The following ANKS1B variants were observed in gnomAD, a reference collection of about 807,000 sequenced individuals.
ANKS1B encodes ankyrin repeat and sterile alpha motif domain containing 1B.
ANKS1B carries 36 observed loss-of-function variants against 148.3 expected under a neutral mutation model. The ratio of observed to expected loss-of-function variants is 0.24; its 90% confidence interval spans 0.19 to 0.32. The LOEUF (loss-of-function observed/expected upper bound fraction) is 0.32, where lower values mean the gene tolerates loss of function less well. ANKS1B is among the 10% of genes least tolerant of loss of function. The pLI, the probability that ANKS1B is intolerant of heterozygous loss-of-function variation, is 1.00. For missense variants in ANKS1B, 1,157 were observed against 1,542.6 expected (o/e 0.75, Z 4.19); for synonymous variants, 542 against 560.8 (o/e 0.97, Z 0.47).
chr12:99,394,537 C>G (rs1376597539), intron 12 of ANKS1B, among the ~76,000 whole-genome samples: 1 of 152,084 alleles, frequency 6.6e-6, no homozygotes, highest in East Asian at 1.9e-4. Context: ...CCCCCACCCC[C>G]AATATTGTTA....
chr12:99,635,723 TTAAAAA>T (rs1351327381), intron 9 of ANKS1B, among the ~76,000 whole-genome samples: 43 of 152,278 alleles, frequency 2.8e-4, no homozygotes, highest in African/African-American at 9.9e-4. Context: ...ACTGTACACT[TTAAAAA>T]TAGTTAATAT....
intron 9 of ANKS1B, among the ~76,000 whole-genome samples, chr12:99,583,688 A>G (rs1226052487): frequency 2.6e-5 from 4 of 152,188 alleles, no homozygotes; most frequent in Non-Finnish European, 5.9e-5. Flanking sequence ...CAGGATATGC[A>G]GCATTTTATA....
At chr12:98,817,021 TTC>T (rs1439032425) in intron 19 of ANKS1B, among the ~76,000 whole-genome samples, 2 of 152,198 alleles carry the variant, frequency 1.3e-5, no homozygotes, top group African/African-American at 2.4e-5. Context: ...AAAAGACTTT[TTC>T]TCTGTTTCTC....
chr12:98,921,979 T>C (rs894419836), intron 17 of ANKS1B, among the ~76,000 whole-genome samples: 3 of 152,164 alleles, frequency 2.0e-5, no homozygotes, highest in South Asian at 2.1e-4. Flanking sequence ...CTCAAACAAA[T>C]GTGAGGGCGA....
At chr12:99,222,025 C>T (rs928454809) in intron 14 of ANKS1B, among the ~76,000 whole-genome samples, 2 of 151,818 alleles carry the variant, frequency 1.3e-5, no homozygotes, top group African/African-American at 2.4e-5. Context: ...CCAGAAAGTG[C>T]TCTATGTTCT....
intron 17 of ANKS1B, among the ~76,000 whole-genome samples, chr12:99,003,506 T>C (rs1461869296): frequency 6.6e-6 from 1 of 152,196 alleles, no homozygotes; most frequent in Non-Finnish European, 1.5e-5. Flanking sequence ...GTTCTCAAGA[T>C]TGGCTGCTGG....
intron 16 of ANKS1B, among the ~76,000 whole-genome samples, chr12:99,076,393 A>C (rs2047894767): frequency 6.6e-6 from 1 of 152,192 alleles, no homozygotes; most frequent in East Asian, 1.9e-4. Flanking sequence ...CTAATGAAAC[A>C]ATATTAGAAA....
At chr12:99,750,785 C>T (rs2153594532) in intron 8 of ANKS1B, among the ~76,000 whole-genome samples, 1 of 152,152 alleles carries the variant, frequency 6.6e-6, no homozygotes, top group African/African-American at 2.4e-5. Context: ...AGGGCAGAGT[C>T]AATAGATGGG....
In ANKS1B at chr12:99,648,218, G is replaced by A. The variant is rs145530655; in HGVS notation, c.1272+6849C>T. The A allele has an allele frequency of 1.7e-4, 276 of 1,614,176 alleles. 1 individual carries two copies. The highest frequency in any genetic ancestry group is 3.6e-4 in the South Asian group (33 of 91,084). On this transcript the variant is annotated intron_variant, in intron 9 of 26. Coordinates refer to ENST00000683438, the MANE Select transcript of ANKS1B (RefSeq NM_001352186.2). ...CTACCGTATTACACGGCCCAAAGCA[G>A]CCCCGCAATGGGCATGTTTAACACC...
At chr12:99,861,416 G>T (rs184197281) in intron 1 of ANKS1B, among the ~76,000 whole-genome samples, 131 of 152,200 alleles carry the variant, frequency 8.6e-4, no homozygotes, top group African/African-American at 2.9e-3. Context: ...CTCTATCACT[G>T]ACTCTCAAAT....
At chr12:99,510,268 A>G (rs2096751462) in intron 9 of ANKS1B, among the ~76,000 whole-genome samples, 1 of 152,028 alleles carries the variant, frequency 6.6e-6, no homozygotes, top group African/African-American at 2.4e-5. Flanking sequence ...ATTATTTAAG[A>G]AATACATTAT....
At chr12:98,757,364 T>G (rs1186371064) in intron 25 of ANKS1B, among the ~76,000 whole-genome samples, 1 of 152,222 alleles carries the variant, frequency 6.6e-6, no homozygotes, top group Non-Finnish European at 1.5e-5. Context: ...ACTTACAGAA[T>G]TGTGAACATA....
At chr12:99,813,146 T>A (rs992597113) in intron 2 of ANKS1B, among the ~76,000 whole-genome samples, 36 of 151,742 alleles carry the variant, frequency 2.4e-4, no homozygotes, top group African/African-American at 8.2e-4. Flanking sequence ...ATTCAATATA[T>A]CCTACCTCAA....
At chr12:98,836,157 C>T (rs2099361556) in intron 17 of ANKS1B, among the ~76,000 whole-genome samples, 1 of 152,132 alleles carries the variant, frequency 6.6e-6, no homozygotes, top group Admixed American at 6.6e-5. Context: ...ACCTTTTGAC[C>T]TTTAGCTACA....
At chr12:99,963,333 T>C (rs1050691026) in intron 1 of ANKS1B, among the ~76,000 whole-genome samples, 2 of 152,216 alleles carry the variant, frequency 1.3e-5, no homozygotes, top group African/African-American at 4.8e-5. Flanking sequence ...TTTCTTTCAT[T>C]GTGCAGAAGC....
chr12:99,205,239 C>T (rs927923694), intron 14 of ANKS1B, among the ~76,000 whole-genome samples: 3 of 152,152 alleles, frequency 2.0e-5, no homozygotes, highest in African/African-American at 7.2e-5. Flanking sequence ...TTTACTTTAT[C>T]CTTTACAAGG....
In ANKS1B at chr12:98,893,013, G is replaced by T. The variant is rs573745487; in HGVS notation, c.2779-60877C>A. Reference sequence around the variant, plus strand: ...TTTCCATCCTTGAACAAGGAGCACTGATACTTCACTATTTTGCCCCCCAAC... The same window carrying T: ...TTTCCATCCTTGAACAAGGAGCACTTATACTTCACTATTTTGCCCCCCAAC... On this transcript the variant is annotated intron_variant, in intron 17 of 26. Transcript: ENST00000683438. 2.0e-5 allele frequency among the ~76,000 whole-genome samples: 3 copies of T among 152,330 alleles called. No homozygotes were observed. In the South Asian group the frequency reaches 6.2e-4, roughly 32 times the overall value.
At chr12:99,449,892 CATCT>C (rs55765630) in intron 10 of ANKS1B, among the ~76,000 whole-genome samples, 26,611 of 147,738 alleles carry the variant, frequency 0.18, 2,392 homozygotes, top group Non-Finnish European at 0.21. Context: ...AGGATCTATC[CATCT>C]ATCTATCTAT....
intron 1 of ANKS1B, among the ~76,000 whole-genome samples, chr12:99,909,498 A>G (rs1473210380): frequency 6.6e-6 from 1 of 152,090 alleles, no homozygotes; most frequent in Non-Finnish European, 1.5e-5. Context: ...TGGCTGCACT[A>G]ATTTACATAC....
Sources: gnomAD v4.1 joint callset for allele counts (sites outside exome capture counted in the v4.1 genomes callset) on GRCh38, gnomAD v4.1.1 for gene constraint, MANE v1.5 for transcripts, NCBI Gene and HGNC (gene_info 2026-07-23, HGNC 2026-07-21) for gene names.